Variants in ALDH5A1 observed in about 807,000 individuals in gnomAD.
ALDH5A1 encodes the protein aldehyde dehydrogenase 5 family member A1, also known as succinate-semialdehyde dehydrogenase, mitochondrial.
ALDH5A1 carries 33 observed loss-of-function variants against 54.7 expected under a neutral mutation model. The observed-to-expected ratio is 0.60, with a 90% CI of 0.46 to 0.81. The LOEUF is 0.81. ALDH5A1 is among the 30% of genes least tolerant of loss of function. ALDH5A1 has a pLI of 0.00. For synonymous variants in ALDH5A1, 294 were observed against 292.7 expected (o/e 1.00, Z -0.05); for missense variants, 657 against 711.0 (o/e 0.92, Z 0.86).
At chr6:24,526,969 T>A (rs1341983022) in intron 7 of ALDH5A1, among the ~76,000 whole-genome samples, 2 of 7,292 alleles carry the variant, frequency 2.7e-4, no homozygotes, top group African/African-American at 6.2e-4. Flanking sequence ...TATATATGTG[T>A]GTGTGTATAT....
At position 24,495,352 on chromosome 6, in the gene ALDH5A1, TGA is replaced by T. The variant is rs1554135757; in HGVS notation, c.354+8_354+9del. The T allele has an allele frequency of 2.0e-6, 3 of 1,532,264 alleles. No individual in the cohort carries two copies. The highest frequency in any genetic ancestry group is 2.6e-6 in the Non-Finnish European group (3 of 1,146,026). 94.9% of individuals were successfully genotyped at this position (1,532,264 alleles called of 1,614,324 possible). A position where few individuals can be genotyped will look rare whatever the true frequency, so the allele number is the denominator to read the frequency against. ...CGCTGGAGGGAGGTCTCCGCCAAGG[TGA>T]GAGAGCCCGGATGCAGGGGGCCAGA... is the stretch of plus-strand genomic sequence containing the variant. On this transcript the variant is annotated splice_donor_region_variant and intron_variant, in intron 1 of 9. Transcript: ENST00000357578.
In ALDH5A1 at chr6:24,502,576, T is replaced by A; in HGVS notation, c.408T>A (p.Asp136Glu). 6.2e-7 allele frequency: 1 copy of A among 1,613,766 alleles called. No individual in the cohort carries two copies. ...KWYNLMIQNK[D>E]DLARIITAES... ...ACAATTTAATGATACAAAATAAGGA[T>A]GACCTTGCCAGAATAATCACAGCTG... is the stretch of plus-strand genomic sequence containing the variant. The change falls in exon 2 of 10, where the codon GAT becomes GAA. Residue 136 changes from aspartate to glutamate, a missense_variant. By Grantham distance (45) the Asp-to-Glu change is conservative. This residue lies in a region of ALDH5A1 where 425 missense variants were observed against 516.4 expected (regional missense o/e 0.82). Transcript: ENST00000357578.
At chr6:24,506,493 C>T (rs1268069969) in intron 4 of ALDH5A1, among the ~76,000 whole-genome samples, 1 of 151,824 alleles carries the variant, frequency 6.6e-6, no homozygotes, top group Non-Finnish European at 1.5e-5. Context: ...CCTCGTGATC[C>T]ACCCGCCTCG....
intron 4 of ALDH5A1, among the ~76,000 whole-genome samples, chr6:24,512,374 C>T (rs932533143): frequency 6.6e-6 from 1 of 152,254 alleles, no homozygotes; most frequent in African/African-American, 2.4e-5. Context: ...CGAGTGGGAG[C>T]TGCAATCTAG....
At position 24,497,116 on chromosome 6, in the gene ALDH5A1, A is replaced by G. The variant is rs572227983; in HGVS notation, c.354+1766A>G. Among the ~76,000 whole-genome samples the G allele has an allele frequency of 2.4e-4, 36 of 152,326 alleles. No homozygotes were observed. The South Asian group carries it at 6.6e-3, about 28-fold the overall frequency. ...TGGACCCAAAGAATGAGTGGTAGCA[A>G]CATTTATTGTGAAGAGCAAAAGAAG... On this transcript the variant is annotated intron_variant, in intron 1 of 9. Transcript: ENST00000357578.
rs925814372 is a variant in ALDH5A1 at position 24,527,404 on chromosome 6, T to G, written c.1174-593T>G. On this transcript the variant is annotated intron_variant, in intron 7 of 9. Coordinates refer to ENST00000357578, the MANE Select transcript of ALDH5A1 (RefSeq NM_001080.3). ...CTGGCCAAGATGATGAAACCCTGTC[T>G]CTTCTAAAAATACAAAAATTAGCCG... 3.9e-5 allele frequency among the ~76,000 whole-genome samples: 6 copies of G among 152,106 alleles called. No homozygotes were observed. The South Asian group carries it at 8.3e-4, about 21-fold the overall frequency.
intron 4 of ALDH5A1, 86 bp from the exon 5 acceptor site, chr6:24,515,081 G>A (rs1443644379): frequency 2.8e-6 from 4 of 1,435,196 alleles, no homozygotes; most frequent in African/African-American, 1.5e-5. Context: ...TTTGGGTTAA[G>A]TATCTATTTA....
At chr6:24,499,327 C>T (rs151004813) in intron 1 of ALDH5A1, among the ~76,000 whole-genome samples, 9 of 152,236 alleles carry the variant, frequency 5.9e-5, no homozygotes, top group Non-Finnish European at 1.2e-4. Context: ...GCTTTGAATA[C>T]ACCTGTGCAG....
At position 24,532,150 on chromosome 6, in the gene ALDH5A1, G is replaced by A. The variant is rs749276622; in HGVS notation, c.1375G>A (p.Ala459Thr). 10 of 1,614,130 alleles carry A rather than the reference G, an allele frequency of 6.2e-6. No individual in the cohort carries two copies. The highest frequency in any genetic ancestry group is 5.0e-5 in the Admixed American group (3 of 60,010). ...FDTEEEAIAI[A>T]NAADVGLAGY... ...TACAGAGGAGGAGGCTATAGCAATCGCTAACGCAGCTGATGTTGGGTTAGC... is the reference window on the plus strand; with the variant it reads ...TACAGAGGAGGAGGCTATAGCAATCACTAACGCAGCTGATGTTGGGTTAGC... The change falls in exon 9 of 10, where the codon GCT becomes ACT. Residue 459 changes from alanine (A) to threonine (T), a missense_variant. By Grantham distance (58) the Ala-to-Thr change is moderately conservative. Transcript: ENST00000357578.
rs983267504 is a variant in ALDH5A1, at chr6:24,536,707, A to G, written c.*2995A>G. The G allele has an allele frequency of 6.6e-5, 10 of 152,246 alleles. No individual in the cohort carries two copies. The highest frequency in any genetic ancestry group is 1.4e-4 in the African/African-American group (6 of 41,460). The allele number at this position is 152,246 out of a possible 1,614,324, so 9.4% of individuals were successfully genotyped here. On this transcript the variant is annotated 3_prime_UTR_variant, in exon 10 of 10. Coordinates refer to ENST00000357578, the MANE Select transcript of ALDH5A1 (RefSeq NM_001080.3). ...ACAAGAGTCTATTTGCCTTGAAAAA[A>G]CAATTATCCTTGAACTTCCTCCAGC...
intron 4 of ALDH5A1, among the ~76,000 whole-genome samples, chr6:24,510,576 A>G (rs1243795140): frequency 6.6e-6 from 1 of 152,096 alleles, no homozygotes; most frequent in Non-Finnish European, 1.5e-5. Context: ...GTCTTTTTTA[A>G]CTGCTGTTGC....
chr6:24,523,716 G>A (rs1190538375), intron 7 of ALDH5A1, among the ~76,000 whole-genome samples: 1 of 152,172 alleles, frequency 6.6e-6, no homozygotes, highest in African/African-American at 2.4e-5. Context: ...ATGTTGTCCT[G>A]TTCTTTCTTC....
intron 4 of ALDH5A1, among the ~76,000 whole-genome samples, chr6:24,507,443 C>T (rs371410692): frequency 1.1e-3 from 167 of 150,882 alleles, no homozygotes; most frequent in Non-Finnish European, 2.0e-3. Flanking sequence ...TTTTTTTTTA[C>T]CTAGATACAC....
Position 24,503,286 on chromosome 6 carries a change from T to G in ALDH5A1, c.462T>G (p.His154Gln), listed in dbSNP as rs752258545. ...AESGKPLKEAHGEILYSAFFL... is the reference protein window; with the variant it reads ...AESGKPLKEAQGEILYSAFFL... ...AGGGAAAGCCACTGAAGGAGGCACA[T>G]GGAGAAATTCTCTATTCCGCCTTTT... Residue 154 changes from histidine to glutamine, a missense_variant, in exon 3 of 10, where the codon CAT becomes CAG. Physicochemically the swap from His to Gln is conservative, Grantham distance 24 (BLOSUM62 0). Around this residue, in one of 2 missense-constraint regions of ALDH5A1, gnomAD observed 425 missense variants for 516.4 expected, o/e 0.82. Transcript: ENST00000357578. 6.2e-7 allele frequency: 1 copy of G among 1,614,074 alleles called. No individual in the cohort carries two copies. Among genetic ancestry groups the G allele is most frequent in the Non-Finnish European group, 8.5e-7 (1 of 1,180,032 alleles).
At chr6:24,523,427 A>G (rs1347248057) in intron 7 of ALDH5A1, among the ~76,000 whole-genome samples, 1 of 152,104 alleles carries the variant, frequency 6.6e-6, no homozygotes, top group Non-Finnish European at 1.5e-5. Context: ...TAAACAATGG[A>G]GAAACCTGAG....
chr6:24,508,918 C>T (rs1759411835), intron 4 of ALDH5A1, among the ~76,000 whole-genome samples: 1 of 152,064 alleles, frequency 6.6e-6, no homozygotes, highest in Non-Finnish European at 1.5e-5. Flanking sequence ...TGTATATCTT[C>T]TTTTGAGAAT....
At chr6:24,500,647 A>AAATAATAATAATAATAATAATAAT (rs35094488) in intron 1 of ALDH5A1, among the ~76,000 whole-genome samples, 1 of 144,148 alleles carries the variant, frequency 6.9e-6, no homozygotes, top group Non-Finnish European at 1.5e-5. Context: ...ACCGTATCTA[A>AAATAATAATAATAATAATAATAAT]AATAATAATA....
At chr6:24,525,571 G>A (rs1178214864) in intron 7 of ALDH5A1, among the ~76,000 whole-genome samples, 1 of 151,854 alleles carries the variant, frequency 6.6e-6, no homozygotes, top group African/African-American at 2.4e-5. Flanking sequence ...AGCCAGGTGT[G>A]GTGGCAAGCA....
intron 5 of ALDH5A1, among the ~76,000 whole-genome samples, chr6:24,517,299 C>T (rs1315575396): frequency 6.6e-6 from 1 of 152,170 alleles, no homozygotes; most frequent in Non-Finnish European, 1.5e-5. Context: ...AGCCAGCGTG[C>T]CCAGCTGGAA....
Sources: gnomAD v4.1 joint callset for allele counts (sites outside exome capture counted in the v4.1 genomes callset) on GRCh38, gnomAD v4.1.1 for gene constraint, gnomAD v4.1.1 regional missense constraint, MANE v1.5 for transcripts, NCBI Gene and HGNC (gene_info 2026-07-23, HGNC 2026-07-21) for gene names.